Variants in NOTCH4 observed in about 807,000 individuals in gnomAD.
The protein encoded by NOTCH4 is notch receptor 4.
A neutral mutation model predicts 189.0 loss-of-function variants in NOTCH4; 138 were observed. That is an observed-to-expected ratio of 0.73 (90% CI 0.64 to 0.84). The LOEUF (loss-of-function observed/expected upper bound fraction) is 0.84. Among genes scored for constraint, NOTCH4 ranks in the 40% least tolerant of loss-of-function variants. The probability of loss-of-function intolerance (pLI) is 0.00; values close to 1 mark genes in which losing one functional copy is unlikely to be tolerated. For missense variants in NOTCH4, 2,286 were observed against 2,605.4 expected (o/e 0.88, Z 2.67); for synonymous variants, 942 against 1,032.8 (o/e 0.91, Z 1.69).
chr6:32,215,335 G>T lies in NOTCH4; in HGVS notation c.1912C>A (p.Gln638Lys). The change falls in exon 12 of 30, where the codon CAG (glutamine) becomes AAG (lysine). Residue 638 changes from glutamine to lysine, a missense_variant. By Grantham distance (53) the Gln-to-Lys change is moderately conservative. This residue lies in a region of NOTCH4 where 1,903 missense variants were observed against 2,261.9 expected (regional missense o/e 0.84). Coordinates refer to ENST00000375023, the MANE Select transcript of NOTCH4 (RefSeq NM_004557.4). ...TTGTCTTTCTGGTCCTTACATATCT[G>T]CTTGGGCTGGCACAGGTTGGGAGCA... ...LCAPNLCQPK[Q>K]ICKDQKDKAN... is the part of the protein sequence containing the mutation. 1 of 1,610,718 alleles carries T rather than the reference G, an allele frequency of 6.2e-7. No homozygotes were observed. Among genetic ancestry groups the T allele is most frequent in the Middle Eastern group, 1.7e-4 (1 of 6,058 alleles).
rs72846312 is a variant in NOTCH4 at position 32,202,470 on chromosome 6, C to T, written c.3361G>A (p.Gly1121Arg). 203 of 1,612,516 alleles carry T rather than the reference C, an allele frequency of 1.3e-4. No individual in the cohort carries two copies. The highest frequency in any genetic ancestry group is 1.6e-4 in the Non-Finnish European group (185 of 1,179,780). ...GGTGGGGTCAGGCAGTCAGGACCCC[C>T]ATAGCCACTGAGGCAGGCACAGCGT... is the stretch of plus-strand genomic sequence containing the variant. ...PPRCACLSGYGGPDCLTPPAP... is the reference protein window; with the variant it reads ...PPRCACLSGYRGPDCLTPPAP... The change falls in exon 21 of 30, where the codon GGG becomes AGG. Residue 1121 changes from glycine to arginine, a missense_variant. By Grantham distance (125) the Gly-to-Arg change is moderately radical. Coordinates refer to ENST00000375023, the MANE Select transcript of NOTCH4 (RefSeq NM_004557.4). The surrounding 1 kb of genome is among the most constrained non-coding windows in gnomAD (Gnocchi z 5.7).
At chr6:32,209,095 T>A (rs1788861396) in intron 18 of NOTCH4, among the ~76,000 whole-genome samples, 1 of 152,250 alleles carries the variant, frequency 6.6e-6, no homozygotes, top group Non-Finnish European at 1.5e-5. Flanking sequence ...TCCTATCATT[T>A]TCAGCAACAT....
chr6:32,200,485 AGG>A lies in NOTCH4; in HGVS notation c.4315+344_4315+345del, dbSNP rs1788268854. Among the ~76,000 whole-genome samples, 1 of 152,224 alleles carries A rather than the reference AGG, an allele frequency of 6.6e-6. No homozygotes were observed. Among genetic ancestry groups the A allele is most frequent in the African/African-American group, 2.4e-5 (1 of 41,452 alleles). ...TGGTCTCCCAACGTGCTGGGATTAT[AGG>A]CATGAGCCACTGCGCCCAGCCTATT... On this transcript the variant is annotated intron_variant, in intron 23 of 29. Transcript: ENST00000375023. This position sits in a 1 kb window ranked among gnomAD's most constrained non-coding sequence, Gnocchi z 5.0.
chr6:32,204,008 G>A, intron 19 of NOTCH4, 126 bp from the exon 20 acceptor site: 1 of 1,414,330 alleles, frequency 7.1e-7, no homozygotes, highest in Non-Finnish European at 9.7e-7. Flanking sequence ...TCTTTTCTGG[G>A]CGGGGGTGGG....
In NOTCH4 at chr6:32,195,628, C is replaced by T. The variant is rs2127457966; in HGVS notation, c.5821G>A (p.Gly1941Arg). ...RGRYGVAAGR[G>R]GRVSTDDWPC... ...CAGTCATCCGTTGAGACCCTGCCTC[C>T]GCGCCCGGCAGCCACTCCGTATCTT... Residue 1941 changes from glycine (G) to arginine (R), a missense_variant, in exon 30 of 30, where the codon GGA (glycine) becomes AGA (arginine). By Grantham distance (125) the Gly-to-Arg change is moderately radical. Transcript: ENST00000375023. The surrounding 1 kb of genome is among the most constrained non-coding windows in gnomAD (Gnocchi z 5.4). 1 of 1,612,982 alleles carries T rather than the reference C, an allele frequency of 6.2e-7. No homozygotes were observed. Among genetic ancestry groups the T allele is most frequent in the Non-Finnish European group, 8.5e-7 (1 of 1,179,974 alleles).
At chr6:32,208,453 C>T (rs558407803) in intron 18 of NOTCH4, among the ~76,000 whole-genome samples, 30 of 152,212 alleles carry the variant, frequency 2.0e-4, no homozygotes, top group Non-Finnish European at 3.8e-4. Context: ...AACACAAGGG[C>T]CAAGTGTGGT....
rs184540431 is a variant in NOTCH4, at chr6:32,200,831, C to T, written c.4315G>A (p.Ala1439Thr). ...LLAVHPHAGT[A>T]PPANQLPWPV... is the part of the protein sequence containing the mutation. ...GAGAAAGTGGCAAGGGGTCACCTAC[C>T]GGTCCCTGCATGAGGGTGGACAGCC... Residue 1439 changes from alanine to threonine, a missense_variant and splice_region_variant, in exon 23 of 30, where the codon GCA becomes ACA. Ala to Thr is a moderately conservative substitution (Grantham distance 58). Coordinates refer to ENST00000375023, the MANE Select transcript of NOTCH4 (RefSeq NM_004557.4). This position sits in a 1 kb window ranked among gnomAD's most constrained non-coding sequence, Gnocchi z 5.0. 3.2e-5 allele frequency: 51 copies of T among 1,598,752 alleles called. No homozygotes were observed. Among genetic ancestry groups the T allele is most frequent in the Admixed American group, 5.2e-5 (3 of 57,804 alleles).
At chr6:32,219,898 G>A (rs1582821917) in intron 7 of NOTCH4, 112 bp from the exon 8 acceptor site, 1 of 937,264 alleles carries the variant, frequency 1.1e-6, no homozygotes, top group East Asian at 2.6e-5. Context: ...GACCAAATTG[G>A]GGAAGGGGCT....
At chr6:32,203,717 C>G (rs1005319656) in intron 20 of NOTCH4, 53 bp downstream of exon 20, 38 of 1,352,908 alleles carry the variant, frequency 2.8e-5, no homozygotes, top group Non-Finnish European at 3.8e-5. Context: ...CTGAGGTATT[C>G]TTGCCTTGTC....
intron 26 of NOTCH4, among the ~76,000 whole-genome samples, chr6:32,197,971 G>A (rs1463620508): frequency 2.6e-5 from 4 of 152,000 alleles, no homozygotes; most frequent in South Asian, 2.1e-4. Context: ...ACAGGCTCCC[G>A]CCACCACGCC....
chr6:32,212,919 A>C lies in NOTCH4; in HGVS notation c.2439-8T>G, dbSNP rs774925075. ...GCCCTATTCCTACAGGGGCTGAACA[A>C]GACAGAGACAGGGCATGATAGGAAG... On this transcript the variant is annotated splice_polypyrimidine_tract_variant and splice_region_variant and intron_variant, in intron 15 of 29. Coordinates refer to ENST00000375023, the MANE Select transcript of NOTCH4 (RefSeq NM_004557.4). This position sits in a 1 kb window ranked among gnomAD's most constrained non-coding sequence, Gnocchi z 4.4. 1 of 1,564,078 alleles carries C rather than the reference A, an allele frequency of 6.4e-7. No individual in the cohort carries two copies. Among genetic ancestry groups the C allele is most frequent in the Non-Finnish European group, 8.7e-7 (1 of 1,153,914 alleles).
Position 32,223,264 on chromosome 6 carries a change from G to A in NOTCH4, c.74-178C>T, listed in dbSNP as rs434841. ...CCCAGCCCCAGCCCCAGTGCCCTCCGTCCCAGTTACTAATCCCTACCCCCC... is the reference window on the plus strand; with the variant it reads ...CCCAGCCCCAGCCCCAGTGCCCTCCATCCCAGTTACTAATCCCTACCCCCC... On this transcript the variant is annotated intron_variant, in intron 1 of 29. Transcript: ENST00000375023. Among the ~76,000 whole-genome samples the A allele has an allele frequency of 0.31, 46,979 of 151,746 alleles. 7,387 individuals are homozygous for A. The highest frequency in any genetic ancestry group is 0.48 in the East Asian group (2,435 of 5,120).
Position 32,202,477 on chromosome 6 carries a change from A to G in NOTCH4, c.3354T>C (p.Ser1118=). 6.2e-7 allele frequency: 1 copy of G among 1,612,640 alleles called. No homozygotes were observed. The highest frequency in any genetic ancestry group is 2.2e-5 in the East Asian group (1 of 44,880). Residue 1118 remains serine (S), a synonymous_variant, in exon 21 of 30, where the codon AGT becomes AGC. Coordinates refer to ENST00000375023, the MANE Select transcript of NOTCH4 (RefSeq NM_004557.4). The surrounding 1 kb of genome is among the most constrained non-coding windows in gnomAD (Gnocchi z 5.7). ...PGFPPRCACL[S]GYGGPDCLTP... ...TCAGGCAGTCAGGACCCCCATAGCC[A>G]CTGAGGCAGGCACAGCGTGGTGGGA...
At position 32,212,373 on chromosome 6, in the gene NOTCH4, T is replaced by G; in HGVS notation, c.2680+101A>C. 8.6e-7 allele frequency: 1 copy of G among 1,163,092 alleles called. No individual in the cohort carries two copies. The highest frequency in any genetic ancestry group is 1.2e-6 in the Non-Finnish European group (1 of 817,078). 72.0% of individuals were successfully genotyped at this position (1,163,092 alleles called of 1,614,324 possible). The stretch of plus-strand genomic sequence containing the variant: ...CTGTGTGGTTTTGATTCTCAGATGG[T>G]TGTTTTGGCCAAAAGCTGTGTGGAA... On this transcript the variant is annotated intron_variant, in intron 17 of 29. Coordinates refer to ENST00000375023, the MANE Select transcript of NOTCH4 (RefSeq NM_004557.4). The surrounding 1 kb of genome is among the most constrained non-coding windows in gnomAD (Gnocchi z 4.4).
rs559736698 is a variant in NOTCH4 at position 32,222,504 on chromosome 6, C to T, written c.451+7G>A. The T allele has an allele frequency of 2.0e-5, 31 of 1,520,510 alleles. No individual in the cohort carries two copies. In the South Asian group the frequency reaches 2.4e-4, roughly 12 times the overall value. 94.2% of individuals were successfully genotyped at this position (1,520,510 alleles called of 1,614,324 possible). A position where few individuals can be genotyped will look rare whatever the true frequency, so the allele number is the denominator to read the frequency against. ...GTCCCCTCCTGGCTGCCCCCAGCAGCGCTTACCTGTCCATCCAGGCATGCA... is the reference window on the plus strand; with the variant it reads ...GTCCCCTCCTGGCTGCCCCCAGCAGTGCTTACCTGTCCATCCAGGCATGCA... On this transcript the variant is annotated splice_region_variant and intron_variant, in intron 3 of 29. Coordinates refer to ENST00000375023, the MANE Select transcript of NOTCH4 (RefSeq NM_004557.4).
rs745574706 is a variant in NOTCH4, at chr6:32,220,141, C to A, written c.1303G>T (p.Glu435Ter). The A allele has an allele frequency of 1.1e-5, 18 of 1,613,606 alleles. No homozygotes were observed. The highest frequency in any genetic ancestry group is 1.5e-5 in the Non-Finnish European group (18 of 1,179,964). Residue 435 changes from glutamate to a stop codon, truncating the protein, a stop_gained, in exon 7 of 30, where the codon GAG becomes TAG. Coordinates refer to ENST00000375023, the MANE Select transcript of NOTCH4 (RefSeq NM_004557.4). LOFTEE classifies it high-confidence loss of function. Reference sequence around the variant, plus strand: ...GGAGTGGCCTCACCCATCAGACACTCGTCCAGGTCCTGGTGGCAGGTGGGC... The same window carrying A: ...GGAGTGGCCTCACCCATCAGACACTAGTCCAGGTCCTGGTGGCAGGTGGGC... ...SGPTCHQDLD[E>*]CLMAQQGPSP...
In NOTCH4 at chr6:32,195,455, T is replaced by C; in HGVS notation, c.5994A>G (p.Gly1998=). The change falls in exon 30 of 30, where the codon GGA becomes GGG. Residue 1998 remains glycine (G), a synonymous_variant. Coordinates refer to ENST00000375023, the MANE Select transcript of NOTCH4 (RefSeq NM_004557.4). This position sits in a 1 kb window ranked among gnomAD's most constrained non-coding sequence, Gnocchi z 5.4. ...TATTCTTCTATTTTTTACCCTCTCC[T>C]CCTTGGTTTATGGGCATTTCTTGGA... The part of the protein sequence containing the change: ...PALQEMPINQ[G]GEGKK 1 of 1,603,794 alleles carries C rather than the reference T, an allele frequency of 6.2e-7. No homozygotes were observed.
chr6:32,196,494 T>C lies in NOTCH4; in HGVS notation c.5201-73A>G, dbSNP rs1228559862. The C allele has an allele frequency of 3.2e-6, 5 of 1,566,630 alleles. No homozygotes were observed. In the African/African-American group the frequency reaches 6.8e-5, roughly 21 times the overall value. ...CTGGGTTCCGGTTTCCCACGGGTTC[T>C]GGCCTTGGGGGAAGGGCTATTCGGG... On this transcript the variant is annotated intron_variant, in intron 28 of 29. Coordinates refer to ENST00000375023, the MANE Select transcript of NOTCH4 (RefSeq NM_004557.4).
rs1457807175 is a variant in NOTCH4, at chr6:32,196,450, C to A, written c.5201-29G>T. On this transcript the variant is annotated intron_variant, in intron 28 of 29. Coordinates refer to ENST00000375023, the MANE Select transcript of NOTCH4 (RefSeq NM_004557.4). ...GGGGACGACGTGGGAGGTTGTTACC[C>A]CAGTTGGGGGCCAGACGCCTGGGTT... The A allele has an allele frequency of 9.3e-6, 15 of 1,609,990 alleles. No homozygotes were observed. In the East Asian group the frequency reaches 3.3e-4, roughly 36 times the overall value.
Sources: gnomAD v4.1 joint callset for allele counts (sites outside exome capture counted in the v4.1 genomes callset) on GRCh38, gnomAD v4.1.1 for gene constraint, gnomAD v4.1.1 regional missense constraint, Gnocchi (gnomAD v3.1) non-coding constraint, MANE v1.5 for transcripts, NCBI Gene and HGNC (gene_info 2026-07-23, HGNC 2026-07-21) for gene names.